Variants in SLC25A21 observed in about 807,000 individuals in gnomAD.
SLC25A21 encodes mitochondrial 2-oxodicarboxylate carrier.
In SLC25A21, 47 loss-of-function variants were observed where a neutral mutation model predicts 43.8. That is an observed-to-expected ratio of 1.07 (90% CI 0.85 to 1.37). The LOEUF (loss-of-function observed/expected upper bound fraction) is 1.37. Among genes scored for constraint, SLC25A21 ranks in the 40% most tolerant of loss-of-function variants. The probability of loss-of-function intolerance (pLI) is 0.00; values close to 1 mark genes in which losing one functional copy is unlikely to be tolerated. For missense variants in SLC25A21, 352 were observed against 350.2 expected (o/e 1.00, Z -0.04); for synonymous variants, 131 against 121.3 (o/e 1.08, Z -0.52).
intron 1 of SLC25A21, among the ~76,000 whole-genome samples, chr14:36,978,876 T>C (rs575989780): frequency 1.3e-5 from 2 of 152,162 alleles, no homozygotes; most frequent in African/African-American, 4.8e-5. Context: ...TTCTAAGTCT[T>C]CAAAAAAAGT....
At chr14:36,863,279 A>C (rs2138535494) in intron 2 of SLC25A21, among the ~76,000 whole-genome samples, 1 of 152,332 alleles carries the variant, frequency 6.6e-6, no homozygotes, top group Non-Finnish European at 1.5e-5. Flanking sequence ...AGAAGCAAGA[A>C]GTATCCAAAC....
At chr14:36,799,444 C>A (rs1355102994) in intron 3 of SLC25A21, among the ~76,000 whole-genome samples, 1 of 151,946 alleles carries the variant, frequency 6.6e-6, no homozygotes, top group Non-Finnish European at 1.5e-5. Context: ...CATGACAGAG[C>A]CCATGCCAAA....
chr14:36,683,555 T>TC (rs1416438357), intron 9 of SLC25A21, among the ~76,000 whole-genome samples: 1 of 152,190 alleles, frequency 6.6e-6, no homozygotes, highest in African/African-American at 2.4e-5. Flanking sequence ...TCACTCAAAC[T>TC]CCAACTGCCT....
intron 2 of SLC25A21, among the ~76,000 whole-genome samples, chr14:36,863,975 G>C (rs1046996238): frequency 6.6e-6 from 1 of 152,194 alleles, no homozygotes; most frequent in African/African-American, 2.4e-5. Context: ...AGCCCAAAGA[G>C]AGGTGGAACA....
intron 1 of SLC25A21, among the ~76,000 whole-genome samples, chr14:37,019,264 T>C (rs550593532): frequency 1.3e-5 from 2 of 151,962 alleles, no homozygotes; most frequent in African/African-American, 4.8e-5. Flanking sequence ...CTCTTCCTTA[T>C]CTTGGAACTT....
At position 37,040,368 on chromosome 14, in the gene SLC25A21, A is replaced by AAG. The variant is rs1566835294; in HGVS notation, c.70+131912_70+131913insCT. 3.2e-4 allele frequency among the ~76,000 whole-genome samples: 13 copies of AAG among 40,490 alleles called. 3 individuals carry two copies. Among genetic ancestry groups the AAG allele is most frequent in the African/African-American group, 3.2e-3 (8 of 2,504 alleles). 26.6% of individuals were successfully genotyped at this position (40,490 alleles called of 152,430 possible). A position where few individuals can be genotyped will look rare whatever the true frequency, so the allele number is the denominator to read the frequency against. On this transcript the variant is annotated intron_variant, in intron 1 of 9. Transcript: ENST00000331299. ...AGGAAGGAAGGAAAGAAAGAGAGAGAGAGAGAGAAAGAAAGAAAGAAAGAA... is the reference window on the plus strand; with the variant it reads ...AGGAAGGAAGGAAAGAAAGAGAGAGAAGGAGAGAGAAAGAAAGAAAGAAAGAA...
At chr14:37,164,684 A>C (rs1964002361) in intron 1 of SLC25A21, among the ~76,000 whole-genome samples, 1 of 152,220 alleles carries the variant, frequency 6.6e-6, no homozygotes, top group Admixed American at 6.5e-5. Flanking sequence ...TATTAGAGTA[A>C]GAAAAAGGAG....
chr14:36,842,350 A>C (rs1301633776), intron 2 of SLC25A21, among the ~76,000 whole-genome samples: 6 of 152,176 alleles, frequency 3.9e-5, no homozygotes, highest in Non-Finnish European at 8.8e-5. Context: ...GAGCCTTCCA[A>C]GAGATGACTT....
At chr14:36,722,591 C>T (rs1008332717) in intron 6 of SLC25A21, among the ~76,000 whole-genome samples, 6 of 151,956 alleles carry the variant, frequency 3.9e-5, no homozygotes, top group Non-Finnish European at 7.4e-5. Flanking sequence ...CCTAAAATTG[C>T]TCTAAAAATA....
chr14:36,787,388 G>A (rs1307756587), intron 3 of SLC25A21, among the ~76,000 whole-genome samples: 1 of 152,044 alleles, frequency 6.6e-6, no homozygotes, highest in East Asian at 1.9e-4. Context: ...TTTGCAAAAG[G>A]ACCAATGTCA....
At chr14:36,912,847 T>C (rs1288288658) in intron 1 of SLC25A21, among the ~76,000 whole-genome samples, 1 of 152,170 alleles carries the variant, frequency 6.6e-6, no homozygotes, top group Non-Finnish European at 1.5e-5. Context: ...TCTTATTTTC[T>C]ACCAACCTGT....
intron 1 of SLC25A21, among the ~76,000 whole-genome samples, chr14:36,903,727 T>C (rs887238434): frequency 6.8e-6 from 1 of 147,584 alleles, no homozygotes; most frequent in East Asian, 2.0e-4. Context: ...AAAATAAACA[T>C]CTGGCTTCCT....
At position 36,976,502 on chromosome 14, in the gene SLC25A21, T is replaced by C. The variant is rs10483480; in HGVS notation, c.71-101498A>G. Among the ~76,000 whole-genome samples, 475 of 152,192 alleles carry C rather than the reference T, an allele frequency of 3.1e-3. 3 individuals carry two copies. In the East Asian group the frequency reaches 0.038, roughly 12 times the overall value. ...TTTAGGCATCACTGAAATTAGATGATTAGCAGTTCCTTAAGAGCAAGCCAT... is the reference window on the plus strand; with the variant it reads ...TTTAGGCATCACTGAAATTAGATGACTAGCAGTTCCTTAAGAGCAAGCCAT... On this transcript the variant is annotated intron_variant, in intron 1 of 9. Coordinates refer to ENST00000331299, the MANE Select transcript of SLC25A21 (RefSeq NM_030631.4).
chr14:37,086,290 C>T (rs1962485464), intron 1 of SLC25A21, among the ~76,000 whole-genome samples: 1 of 152,036 alleles, frequency 6.6e-6, no homozygotes, highest in African/African-American at 2.4e-5. Context: ...AATCCCATTC[C>T]CTCCACAGTA....
intron 1 of SLC25A21, among the ~76,000 whole-genome samples, chr14:36,974,856 T>C (rs1356998564): frequency 1.3e-5 from 2 of 152,126 alleles, no homozygotes; most frequent in Non-Finnish European, 1.5e-5. Context: ...AAAGGCAATA[T>C]ACTTGGACCT....
intron 1 of SLC25A21, among the ~76,000 whole-genome samples, chr14:36,947,079 G>A (rs1465469164): frequency 2.0e-5 from 3 of 152,012 alleles, no homozygotes; most frequent in Non-Finnish European, 4.4e-5. Flanking sequence ...ACTCTTTGGC[G>A]GTTTCAATTC....
At chr14:36,768,247 G>A (rs17105260) in intron 3 of SLC25A21, among the ~76,000 whole-genome samples, 2,330 of 152,232 alleles carry the variant, frequency 0.015, 60 homozygotes, top group African/African-American at 0.053. Context: ...GGAGCCAGGT[G>A]CAGTTTGAGA....
chr14:37,104,148 C>G (rs1962869079), intron 1 of SLC25A21, among the ~76,000 whole-genome samples: 1 of 152,206 alleles, frequency 6.6e-6, no homozygotes. Flanking sequence ...CAAATCAGAA[C>G]ACTAACATAT....
intron 1 of SLC25A21, among the ~76,000 whole-genome samples, chr14:36,939,221 A>T (rs1892497386): frequency 6.6e-6 from 1 of 152,148 alleles, no homozygotes; most frequent in Non-Finnish European, 1.5e-5. Context: ...ATGAAAAAAC[A>T]AAAGAAAGTC....
Sources: allele counts gnomAD v4.1 joint callset (sites outside exome capture counted in the v4.1 genomes callset), GRCh38; gene constraint gnomAD v4.1.1; transcripts MANE v1.5; gene names NCBI Gene and HGNC (gene_info 2026-07-23, HGNC 2026-07-21).